BRAF: variants seen among roughly 807,000 people sequenced by gnomAD.
BRAF encodes the protein serine/threonine-protein kinase B-raf.
A neutral mutation model predicts 104.6 loss-of-function variants in BRAF; 16 were observed. The ratio of observed to expected loss-of-function variants is 0.15; its 90% CI spans 0.10 to 0.23. The LOEUF is 0.23. Among genes scored for constraint, BRAF ranks in the 10% least tolerant of loss-of-function variants. The pLI is 1.00. For synonymous variants in BRAF, 310 were observed against 341.6 expected, an observed-to-expected ratio of 0.91 and a Z score of 1.02; for missense variants, 541 against 937.3, an observed-to-expected ratio of 0.58 and a Z score of 5.52.
At chr7:140,917,609 A>G (rs1158693488) in intron 1 of BRAF, among the ~76,000 whole-genome samples, 6 of 152,158 alleles carry the variant, frequency 3.9e-5, no homozygotes, top group African/African-American at 9.7e-5. Context: ...TCCCTCTCAA[A>G]TAAATCAATC....
intron 7 of BRAF, chr7:140,799,907 T>TCGGTG: frequency 3.6e-5 from 11 of 305,608 alleles, no homozygotes; most frequent in Admixed American, 1.4e-4. Flanking sequence ...CAAAATGATC[T>TCGGTG]GTTGCATGAT....
At chr7:140,733,451 CT>C (rs1444841421) in intron 19 of BRAF, 2 of 152,208 alleles carry the variant, frequency 1.3e-5, no homozygotes, top group Admixed American at 6.5e-5. Context: ...TTGCTTTCTA[CT>C]TTTGATTCCC....
intron 19 of BRAF, chr7:140,732,119 C>T (rs1490598904): frequency 2.5e-5 from 3 of 121,868 alleles, no homozygotes; most frequent in African/African-American, 9.4e-5. Context: ...TGCAGTGAGC[C>T]GAGATCCCGC....
chr7:140,771,447 G>C (rs1369338493), intron 14 of BRAF, among the ~76,000 whole-genome samples: 1 of 152,142 alleles, frequency 6.6e-6, no homozygotes, highest in African/African-American at 2.4e-5. Context: ...TCCTGCCTTG[G>C]CCTCACAAAG....
chr7:140,884,429 A>ATATGTGTG (rs1290111251), intron 1 of BRAF, among the ~76,000 whole-genome samples: 2 of 127,528 alleles, frequency 1.6e-5, no homozygotes, highest in Non-Finnish European at 3.3e-5. Flanking sequence ...TATATAAGAT[A>ATATGTGTG]TGTGTGTGTG....
intron 17 of BRAF, among the ~76,000 whole-genome samples, chr7:140,742,277 C>T (rs1234225402): frequency 6.7e-6 from 1 of 148,414 alleles, no homozygotes; most frequent in East Asian, 2.0e-4. Context: ...CTGCAACCTC[C>T]CCTTCCTGGG....
intron 14 of BRAF, chr7:140,758,319 T>C (rs1168969663): frequency 6.6e-6 from 1 of 152,220 alleles, no homozygotes; most frequent in Non-Finnish European, 1.5e-5. Context: ...GAGAATGGCA[T>C]TCTGTTACTT....
Position 140,734,890 on chromosome 7 carries a change from C to T in BRAF, c.2248-120G>A. 3 of 1,112,124 alleles carry T rather than the reference C, an allele frequency of 2.7e-6. No individual in the cohort carries two copies. In the African/African-American group the frequency reaches 4.8e-5, roughly 18 times the overall value. The allele number at this position is 1,112,124 out of a possible 1,614,324, so 68.9% of individuals were successfully genotyped here. On this transcript the variant is annotated intron_variant, in intron 18 of 19. Coordinates refer to ENST00000644969, the MANE Select transcript of BRAF (RefSeq NM_001374258.1). Reference sequence around the variant, plus strand: ...TGGGTGGTATAAATCTTTAAGAGTCCCATCACACTTTACAAGAAAGCACCT... The same window carrying T: ...TGGGTGGTATAAATCTTTAAGAGTCTCATCACACTTTACAAGAAAGCACCT...
chr7:140,843,869 C>A (rs1562990745), intron 2 of BRAF, among the ~76,000 whole-genome samples: 1 of 151,788 alleles, frequency 6.6e-6, no homozygotes, highest in South Asian at 2.1e-4. Flanking sequence ...ATTAGATGGG[C>A]GTGGTGGCGG....
chr7:140,896,603 C>T (rs1287266534), intron 1 of BRAF, among the ~76,000 whole-genome samples: 7 of 151,892 alleles, frequency 4.6e-5, no homozygotes, highest in East Asian at 1.9e-4. Flanking sequence ...CGGTGGCTCA[C>T]GTCTGTAATC....
intron 19 of BRAF, among the ~76,000 whole-genome samples, chr7:140,729,846 G>A (rs973737385): frequency 6.6e-6 from 1 of 152,250 alleles, no homozygotes. Context: ...GACAGAGCAA[G>A]ACTCTGTCTC....
intron 1 of BRAF, among the ~76,000 whole-genome samples, chr7:140,887,874 C>T (rs961668795): frequency 2.7e-5 from 4 of 148,376 alleles, no homozygotes; most frequent in East Asian, 2.0e-4. Flanking sequence ...CCACCATGCT[C>T]GTTTAATTTT....
At chr7:140,855,879 G>A (rs965740314) in intron 1 of BRAF, among the ~76,000 whole-genome samples, 2 of 151,258 alleles carry the variant, frequency 1.3e-5, no homozygotes, top group Admixed American at 1.3e-4. Context: ...AATTAGCTAG[G>A]TGTGGGTGCG....
At chr7:140,803,045 C>A (rs532802078) in intron 5 of BRAF, among the ~76,000 whole-genome samples, 2 of 152,302 alleles carry the variant, frequency 1.3e-5, no homozygotes, top group Admixed American at 6.5e-5. Flanking sequence ...AAACTTGCCA[C>A]TGTGTTAAGG....
At chr7:140,736,205 G>A (rs1310749075) in intron 18 of BRAF, among the ~76,000 whole-genome samples, 1 of 151,256 alleles carries the variant, frequency 6.6e-6, no homozygotes, top group African/African-American at 2.4e-5. Context: ...CGAGTAGCTG[G>A]GATCACAGGC....
chr7:140,742,633 C>T (rs1340946710), intron 17 of BRAF, among the ~76,000 whole-genome samples: 1 of 152,174 alleles, frequency 6.6e-6, no homozygotes, highest in South Asian at 2.1e-4. Context: ...GTTATAACTG[C>T]CCTTCTACCA....
intron 11 of BRAF, among the ~76,000 whole-genome samples, chr7:140,782,575 A>T (rs950778692): frequency 6.6e-6 from 1 of 151,936 alleles, no homozygotes; most frequent in Non-Finnish European, 1.5e-5. Flanking sequence ...TTTATTTTTA[A>T]ATTTTACTTT....
chr7:140,772,442 C>T (rs1254128999), intron 14 of BRAF, among the ~76,000 whole-genome samples: 5 of 151,772 alleles, frequency 3.3e-5, no homozygotes, highest in East Asian at 3.9e-4. Flanking sequence ...GGTGACATGG[C>T]GAAACTCTGT....
rs552473952 is a variant in BRAF, at chr7:140,784,898, C to T, written c.1297+791G>A. On this transcript the variant is annotated intron_variant, in intron 10 of 19. Coordinates refer to ENST00000644969, the MANE Select transcript of BRAF (RefSeq NM_001374258.1). The stretch of plus-strand genomic sequence containing the variant: ...CTGACCTCAGGTGATCCATCCACCT[C>T]GGCCTCCCAAAGTGCTGGGATTACA... Among the ~76,000 whole-genome samples the T allele has an allele frequency of 7.2e-5, 11 of 152,230 alleles. No homozygotes were observed. In the East Asian group the frequency reaches 2.1e-3, roughly 29 times the overall value.
Sources: allele counts gnomAD v4.1 joint callset (sites outside exome capture counted in the v4.1 genomes callset), GRCh38; gene constraint gnomAD v4.1.1; transcripts MANE v1.5; gene names NCBI Gene and HGNC (gene_info 2026-07-23, HGNC 2026-07-21).